The following LRIG2 variants were observed in gnomAD, a reference collection of about 807,000 sequenced individuals.
LRIG2 encodes the protein leucine-rich repeats and immunoglobulin-like domains protein 2.
LRIG2 carries 93 observed loss-of-function variants against 107.8 expected under a neutral mutation model. That is an observed-to-expected ratio of 0.86 (90% CI 0.73 to 1.03). The LOEUF (loss-of-function observed/expected upper bound fraction) is 1.03. Ranked by LOEUF, LRIG2 falls within the 50% of genes least tolerant of loss-of-function variation. The pLI is 0.00. For missense variants in LRIG2, 1,226 were observed against 1,296.0 expected (o/e 0.95, Z 0.83); for synonymous variants, 471 against 470.6 (o/e 1.00, Z -0.01).
chr1:113,113,115 A>G (rs1260187004), intron 14 of LRIG2, among the ~76,000 whole-genome samples: 1 of 151,508 alleles, frequency 6.6e-6, no homozygotes, highest in Non-Finnish European at 1.5e-5. Context: ...TTTTAGGAGT[A>G]TCCCAGCCAT....
intron 1 of LRIG2, among the ~76,000 whole-genome samples, chr1:113,083,084 T>C (rs186346317): frequency 6.6e-6 from 1 of 152,118 alleles, no homozygotes; most frequent in Admixed American, 6.6e-5. Context: ...TAATTTTGTG[T>C]AGATTTTATA....
intron 13 of LRIG2, among the ~76,000 whole-genome samples, chr1:113,111,481 C>T (rs1461070462): frequency 6.6e-6 from 1 of 152,136 alleles, no homozygotes. Flanking sequence ...CCCGCTCACC[C>T]TCTCCATTCT....
intron 1 of LRIG2, among the ~76,000 whole-genome samples, chr1:113,083,534 C>T (rs538363884): frequency 9.9e-5 from 15 of 151,014 alleles, no homozygotes; most frequent in Middle Eastern, 3.4e-3. Flanking sequence ...TTAGTAGGGA[C>T]GGGGTTTCTC....
chr1:113,073,487 T>A lies in LRIG2; in HGVS notation c.81T>A (p.Ile27=), dbSNP rs1652797585. 6.2e-7 allele frequency: 1 copy of A among 1,614,144 alleles called. No individual in the cohort carries two copies. The highest frequency in any genetic ancestry group is 8.5e-7 in the Non-Finnish European group (1 of 1,180,016). ...RSRVLSRLLF[I]AQTALLLLPA... ...GAGTGCTTTCTCGGTTACTCTTCAT[T>A]GCCCAGACCGCTCTCCTCCTGTTGC... Residue 27 remains isoleucine, a synonymous_variant, in exon 1 of 18, where the codon ATT becomes ATA. Transcript: ENST00000361127.
chr1:113,114,872 C>T lies in LRIG2; in HGVS notation c.2526C>T (p.Asn842=), dbSNP rs769613941. Residue 842 remains asparagine (N), a synonymous_variant, in exon 15 of 18, where the codon AAC becomes AAT. Coordinates refer to ENST00000361127, the MANE Select transcript of LRIG2 (RefSeq NM_014813.3). ...RRKNEDYSIT[N]TEELNLPADI... is the part of the protein sequence containing the mutation. ...AAAATGAAGACTATAGTATCACAAA[C>T]ACAGGTAAGTAGTACCCACATGACA... The T allele has an allele frequency of 6.2e-7, 1 of 1,603,994 alleles. No homozygotes were observed. Among genetic ancestry groups the T allele is most frequent in the South Asian group, 1.1e-5 (1 of 90,284 alleles).
At position 113,107,545 on chromosome 1, in the gene LRIG2, A is replaced by G. The variant is rs538787789; in HGVS notation, c.1314-49A>G. On this transcript the variant is annotated intron_variant, in intron 11 of 17. Transcript: ENST00000361127. ...TAAGGTTTTAATACTGAAGACGTTT[A>G]GAATGAAAAGTAAAACAAAGGATGC... The G allele has an allele frequency of 9.6e-6, 15 of 1,565,108 alleles. No homozygotes were observed. The East Asian group carries it at 3.4e-4, about 35-fold the overall frequency.
At chr1:113,112,343 T>C in intron 13 of LRIG2, 136 bp from the exon 14 acceptor site, 1 of 773,736 alleles carries the variant, frequency 1.3e-6, no homozygotes, top group South Asian at 1.9e-5. Context: ...TCACTCTCAA[T>C]CAGAGAGCCT....
rs1172318453 is a variant in LRIG2 at position 113,094,616 on chromosome 1, C to T, written c.664C>T (p.Leu222Phe). 6.2e-7 allele frequency: 1 copy of T among 1,610,300 alleles called. No homozygotes were observed. Among genetic ancestry groups the T allele is most frequent in the Non-Finnish European group, 8.5e-7 (1 of 1,177,942 alleles). Reference protein sequence around the residue: ...FKLPHLQFLELKRNRIKIVEG... With the variant: ...FKLPHLQFLEFKRNRIKIVEG... ...GTAAAACTATTTTTGTTAAAGGGAA[C>T]TTAAAAGAAACAGAATTAAAATTGT... The change falls in exon 6 of 18, where the codon CTT becomes TTT. Residue 222 changes from leucine (L) to phenylalanine (F), a missense_variant. This residue lies in a region of LRIG2 where 570 missense variants were observed against 550.2 expected (regional missense o/e 1.04). Transcript: ENST00000361127.
chr1:113,095,949 T>C lies in LRIG2; in HGVS notation c.879T>C (p.Tyr293=). Residue 293 remains tyrosine (Y), a synonymous_variant, in exon 7 of 18, where the codon TAT becomes TAC. Transcript: ENST00000361127. ...GCTTGCGAATGTTACAGCAGCTCTATGTGAGCCAGAATGCTATTGAAAGAA... is the reference window on the plus strand; with the variant it reads ...GCTTGCGAATGTTACAGCAGCTCTACGTGAGCCAGAATGCTATTGAAAGAA... ...LYGLRMLQQL[Y]VSQNAIERIS... 1 of 1,614,188 alleles carries C rather than the reference T, an allele frequency of 6.2e-7. No homozygotes were observed. Among genetic ancestry groups the C allele is most frequent in the Non-Finnish European group, 8.5e-7 (1 of 1,180,034 alleles).
At chr1:113,099,595 A>T (rs1036171273) in intron 9 of LRIG2, among the ~76,000 whole-genome samples, 2 of 152,088 alleles carry the variant, frequency 1.3e-5, no homozygotes, top group African/African-American at 4.8e-5. Flanking sequence ...TTTTATTGAA[A>T]AAGCATTCCT....
intron 11 of LRIG2, among the ~76,000 whole-genome samples, chr1:113,101,039 G>A (rs72986329): frequency 0.025 from 3,838 of 152,102 alleles, 162 homozygotes; most frequent in African/African-American, 0.084. Context: ...GGGGATTGGA[G>A]GTTAGTTGGG....
chr1:113,073,419 C>G lies in LRIG2; in HGVS notation c.13C>G (p.Pro5Ala). The change falls in exon 1 of 18, where the codon CCC becomes GCC. Residue 5 changes from proline (P) to alanine (A), a missense_variant. Physicochemically the swap from Pro to Ala is conservative, Grantham distance 27. Transcript: ENST00000361127. MAPA[P>A]LGVPEEQLLG... ...GTCGAGGGGGAAAATGGCGCCGGCG[C>G]CCCTAGGCGTCCCGGAGGAGCAGTT... 6.2e-7 allele frequency: 1 copy of G among 1,613,846 alleles called. No individual in the cohort carries two copies. Among genetic ancestry groups the G allele is most frequent in the Non-Finnish European group, 8.5e-7 (1 of 1,179,752 alleles).
At chr1:113,085,504 G>A (rs1247447633) in intron 1 of LRIG2, among the ~76,000 whole-genome samples, 1 of 152,128 alleles carries the variant, frequency 6.6e-6, no homozygotes, top group Non-Finnish European at 1.5e-5. Context: ...GGCTGGTCCC[G>A]CACTTCTGAC....
At chr1:113,116,792 C>T (rs934977260) in intron 16 of LRIG2, among the ~76,000 whole-genome samples, 3 of 152,114 alleles carry the variant, frequency 2.0e-5, no homozygotes, top group Non-Finnish European at 4.4e-5. Flanking sequence ...GTTTCTCTTC[C>T]TGACAGGTAG....
At position 113,100,194 on chromosome 1, in the gene LRIG2, A is replaced by T. The variant is rs770017953; in HGVS notation, c.1173-17A>T. On this transcript the variant is annotated splice_polypyrimidine_tract_variant and intron_variant, in intron 9 of 17. Transcript: ENST00000361127. ...TTTAGTGGAGAGCTTTCTTAGAAAG[A>T]TCTGTTTATATTTCAGAATCTTACA... 6.8e-7 allele frequency: 1 copy of T among 1,460,276 alleles called. No homozygotes were observed. The highest frequency in any genetic ancestry group is 1.3e-5 in the South Asian group (1 of 79,430). The allele number at this position is 1,460,276 out of a possible 1,614,324, so 90.5% of individuals were successfully genotyped here. A position where few individuals can be genotyped will look rare whatever the true frequency, so the allele number is the denominator to read the frequency against.
At chr1:113,093,071 G>T (rs185676275) in intron 2 of LRIG2, 135 bp from the exon 3 acceptor site, 11 of 577,818 alleles carry the variant, frequency 1.9e-5, no homozygotes, top group African/African-American at 1.2e-4. Flanking sequence ...TTTTATTTTC[G>T]TCTAACTCAT....
intron 1 of LRIG2, among the ~76,000 whole-genome samples, chr1:113,077,541 G>A (rs180911921): frequency 8.3e-4 from 126 of 152,116 alleles, no homozygotes; most frequent in Non-Finnish European, 1.4e-3. Flanking sequence ...TAGTTTTTTA[G>A]TTCTTTCTAT....
At chr1:113,116,855 G>A (rs2101064418) in intron 16 of LRIG2, among the ~76,000 whole-genome samples, 1 of 152,278 alleles carries the variant, frequency 6.6e-6, no homozygotes, top group African/African-American at 2.4e-5. Flanking sequence ...TGGCATGCCT[G>A]TAGTCCCATC....
chr1:113,102,438 T>A (rs1654347803), intron 11 of LRIG2, among the ~76,000 whole-genome samples: 1 of 151,876 alleles, frequency 6.6e-6, no homozygotes, highest in Non-Finnish European at 1.5e-5. Context: ...CCCGGTTAAT[T>A]TTTTTGTATT....
Sources: allele counts gnomAD v4.1 joint callset (sites outside exome capture counted in the v4.1 genomes callset), GRCh38; gene constraint gnomAD v4.1.1; regional missense constraint gnomAD v4.1.1; transcripts MANE v1.5; gene names NCBI Gene and HGNC (gene_info 2026-07-23, HGNC 2026-07-21).